The following CNOT6 variants were observed in gnomAD, a reference collection of about 807,000 sequenced individuals.
CNOT6 encodes carbon catabolite repression 4 protein.
Under a neutral mutation model 61.2 loss-of-function variants are expected in CNOT6, and 12 were observed. That is an observed-to-expected ratio of 0.20 (90% CI 0.13 to 0.32). CNOT6 has a LOEUF of 0.32. CNOT6 is among the 10% of genes least tolerant of loss of function. The pLI is 1.00. For missense variants in CNOT6, 405 were observed against 663.9 expected (o/e 0.61, Z 4.28); for synonymous variants, 225 against 240.6 (o/e 0.94, Z 0.60).
In CNOT6 at chr5:180,505,748, C is replaced by T. The variant is rs192251797; in HGVS notation, c.-3+10985C>T. Among the ~76,000 whole-genome samples the T allele has an allele frequency of 7.3e-4, 111 of 152,146 alleles. No individual in the cohort carries two copies. The South Asian group carries it at 8.3e-3, about 11-fold the overall frequency. On this transcript the variant is annotated intron_variant, in intron 1 of 11. Coordinates refer to ENST00000261951, the MANE Select transcript of CNOT6 (RefSeq NM_001370472.1). ...ATTTTTTAGTAGAGACGGGGTTTCA[C>T]TGTGTTAGCCAGGATAGTGTTGATC... is the stretch of plus-strand genomic sequence containing the variant.
intron 4 of CNOT6, among the ~76,000 whole-genome samples, chr5:180,555,459 A>C (rs2387283): frequency 0.47 from 71,336 of 152,020 alleles, 17,704 homozygotes; most frequent in Non-Finnish European, 0.56. Context: ...ATCTGTGTTT[A>C]TTTCTTGGAA....
intron 4 of CNOT6, among the ~76,000 whole-genome samples, chr5:180,554,918 CTA>C (rs1295557954): frequency 4.6e-5 from 7 of 151,882 alleles, no homozygotes; most frequent in Non-Finnish European, 8.8e-5. Context: ...TAATCTTACA[CTA>C]TATATTTTAC....
chr5:180,566,912 T>A (rs1413766197), intron 7 of CNOT6, among the ~76,000 whole-genome samples, 176 bp from the exon 8 acceptor site: 1 of 151,970 alleles, frequency 6.6e-6, no homozygotes, highest in Non-Finnish European at 1.5e-5. Flanking sequence ...CCTCGGCCTC[T>A]CAAAGTGCTG....
At chr5:180,572,699 G>A (rs1330900967) in intron 11 of CNOT6, among the ~76,000 whole-genome samples, 3 of 150,586 alleles carry the variant, frequency 2.0e-5, no homozygotes, top group Non-Finnish European at 3.0e-5. Flanking sequence ...ACAGGTGTCC[G>A]CCGCCATACC....
At chr5:180,566,777 G>A (rs1396675647) in intron 7 of CNOT6, among the ~76,000 whole-genome samples, 1 of 151,006 alleles carries the variant, frequency 6.6e-6, no homozygotes, top group African/African-American at 2.4e-5. Flanking sequence ...CTCAGCCTCC[G>A]TAGTAGCTGG....
In CNOT6 at chr5:180,567,256, T is replaced by C. The variant is rs750643679; in HGVS notation, c.872+14T>C. On this transcript the variant is annotated intron_variant, in intron 8 of 11. Coordinates refer to ENST00000261951, the MANE Select transcript of CNOT6 (RefSeq NM_001370472.1). The stretch of plus-strand genomic sequence containing the variant: ...CAAGACAGAAAAGTAAGTCATCTTA[T>C]TTTTTAAAAAGAACGTTTTCTCAGT... 62 of 1,592,556 alleles carry C rather than the reference T, an allele frequency of 3.9e-5. No homozygotes were observed. Among genetic ancestry groups the C allele is most frequent in the Non-Finnish European group, 4.9e-5 (58 of 1,173,732 alleles).
chr5:180,535,863 G>A (rs1216719680), intron 2 of CNOT6, among the ~76,000 whole-genome samples: 1 of 151,510 alleles, frequency 6.6e-6, no homozygotes, highest in Non-Finnish European at 1.5e-5. Flanking sequence ...GGTGTAAGAT[G>A]GTATTTCATT....
chr5:180,538,707 T>TATAC (rs1561648351), intron 2 of CNOT6, among the ~76,000 whole-genome samples: 18 of 105,150 alleles, frequency 1.7e-4, no homozygotes, highest in Admixed American at 6.7e-4. Context: ...TATATATATA[T>TATAC]ATATATATAC....
intron 1 of CNOT6, among the ~76,000 whole-genome samples, chr5:180,506,821 A>G (rs1438063382): frequency 6.6e-6 from 1 of 152,154 alleles, no homozygotes; most frequent in Non-Finnish European, 1.5e-5. Flanking sequence ...CTTTTATACT[A>G]TCCTGGCTTC....
chr5:180,570,895 C>G (rs142553751), intron 10 of CNOT6, among the ~76,000 whole-genome samples: 1 of 152,114 alleles, frequency 6.6e-6, no homozygotes, highest in Non-Finnish European at 1.5e-5. Context: ...AGATGCTGAT[C>G]GTGGTGTTAT....
intron 1 of CNOT6, among the ~76,000 whole-genome samples, chr5:180,523,579 T>G (rs1261093088): frequency 6.6e-6 from 1 of 152,202 alleles, no homozygotes; most frequent in Non-Finnish European, 1.5e-5. Flanking sequence ...CAAATATATT[T>G]AAGTGCTTTA....
At chr5:180,546,834 T>A (rs757074557) in intron 2 of CNOT6, among the ~76,000 whole-genome samples, 108 of 152,356 alleles carry the variant, frequency 7.1e-4, no homozygotes, top group Non-Finnish European at 1.1e-3. Context: ...AACTAGAATA[T>A]CCCTTGGGAT....
intron 11 of CNOT6, among the ~76,000 whole-genome samples, 176 bp downstream of exon 11, chr5:180,571,608 C>G (rs1391687223): frequency 6.6e-6 from 1 of 152,200 alleles, no homozygotes; most frequent in Non-Finnish European, 1.5e-5. Context: ...CTCTGTTACC[C>G]AGGCTGGAGT....
At chr5:180,513,960 C>A (rs947029015) in intron 1 of CNOT6, among the ~76,000 whole-genome samples, 24 of 152,080 alleles carry the variant, frequency 1.6e-4, no homozygotes, top group Admixed American at 2.6e-4. Flanking sequence ...CCTCGGCCTC[C>A]CAAAGTGCTG....
At chr5:180,548,769 A>G (rs1759439926) in intron 2 of CNOT6, among the ~76,000 whole-genome samples, 1 of 152,190 alleles carries the variant, frequency 6.6e-6, no homozygotes, top group Non-Finnish European at 1.5e-5. Flanking sequence ...TGTTACTCTT[A>G]TCTTGGTTGG....
chr5:180,512,606 A>G (rs866456774), intron 1 of CNOT6, among the ~76,000 whole-genome samples: 12 of 152,238 alleles, frequency 7.9e-5, no homozygotes, highest in African/African-American at 2.4e-4. Flanking sequence ...ATTCTTATTT[A>G]TTTATTTTTG....
At chr5:180,504,732 C>T (rs765772160) in intron 1 of CNOT6, among the ~76,000 whole-genome samples, 2 of 152,116 alleles carry the variant, frequency 1.3e-5, no homozygotes, top group Non-Finnish European at 2.9e-5. Context: ...CATTAGTGGG[C>T]AGACTTTAAA....
At position 180,575,990 on chromosome 5, in the gene CNOT6, G is replaced by GT. The variant is rs764412071; in HGVS notation, c.*1796dup. ...TTCCTTTGAGGGTTTTTTGTTTTTT[G>GT]TTTTTTCTAGGATTTCATTGTGATG... On this transcript the variant is annotated 3_prime_UTR_variant, in exon 12 of 12. Transcript: ENST00000261951. The GT allele has an allele frequency of 1.3e-5, 2 of 149,918 alleles. No homozygotes were observed. Among genetic ancestry groups the GT allele is most frequent in the South Asian group, 2.1e-4 (1 of 4,748 alleles). 9.3% of individuals were successfully genotyped at this position (149,918 alleles called of 1,614,324 possible).
In CNOT6 at chr5:180,524,260, T is replaced by C. The variant is rs186997645; in HGVS notation, c.-2-5015T>C. Among the ~76,000 whole-genome samples, 583 of 152,332 alleles carry C rather than the reference T, an allele frequency of 3.8e-3. 4 individuals are homozygous for C. The highest frequency in any genetic ancestry group is 4.2e-3 in the Non-Finnish European group (287 of 68,024). On this transcript the variant is annotated intron_variant, in intron 1 of 11. Coordinates refer to ENST00000261951, the MANE Select transcript of CNOT6 (RefSeq NM_001370472.1). ...GGTAGTAATCTTCAGTGACATACTATACTTTTTAGAGAGCAAGAAGTACTT... is the reference window on the plus strand; with the variant it reads ...GGTAGTAATCTTCAGTGACATACTACACTTTTTAGAGAGCAAGAAGTACTT...
Sources: allele counts gnomAD v4.1 joint callset (sites outside exome capture counted in the v4.1 genomes callset), GRCh38; gene constraint gnomAD v4.1.1; transcripts MANE v1.5; gene names NCBI Gene and HGNC (gene_info 2026-07-23, HGNC 2026-07-21).